RALGPS1: variants seen among roughly 807,000 people sequenced by gnomAD.
RALGPS1 encodes ras-specific guanine nucleotide-releasing factor RalGPS1.
A neutral mutation model predicts 78.8 loss-of-function variants in RALGPS1; 19 were observed. That is an observed-to-expected ratio of 0.24 (90% CI 0.17 to 0.35). The LOEUF is 0.35. Among genes scored for constraint, RALGPS1 ranks in the 10% least tolerant of loss-of-function variants. RALGPS1 has a pLI of 1.00. For synonymous variants in RALGPS1, 228 were observed against 256.3 expected (o/e 0.89, Z 1.06); for missense variants, 454 against 688.3 (o/e 0.66, Z 3.81).
At chr9:127,076,510 A>G (rs1330745765) in intron 8 of RALGPS1, among the ~76,000 whole-genome samples, 2 of 152,264 alleles carry the variant, frequency 1.3e-5, no homozygotes, top group African/African-American at 4.8e-5. Context: ...TCAAACAAGC[A>G]AACCTTTCCA....
intron 2 of RALGPS1, among the ~76,000 whole-genome samples, chr9:126,965,512 TG>T (rs1427801366): frequency 6.6e-6 from 1 of 152,210 alleles, no homozygotes; most frequent in Non-Finnish European, 1.5e-5. Flanking sequence ...GTATGTGTTT[TG>T]GGGTCGGATA....
intron 8 of RALGPS1, among the ~76,000 whole-genome samples, chr9:127,148,861 G>A (rs2058253305): frequency 6.6e-6 from 1 of 152,246 alleles, no homozygotes; most frequent in Non-Finnish European, 1.5e-5. Context: ...CAGAATGTGG[G>A]GATGGCGGAG....
intron 2 of RALGPS1, among the ~76,000 whole-genome samples, chr9:126,964,323 C>G (rs909607201): frequency 2.1e-5 from 3 of 144,746 alleles, no homozygotes; most frequent in African/African-American, 7.8e-5. Flanking sequence ...GAGCCGAGAT[C>G]ACAGCACTGC....
intron 8 of RALGPS1, among the ~76,000 whole-genome samples, chr9:127,157,774 T>C (rs2058784663): frequency 6.6e-6 from 1 of 152,126 alleles, no homozygotes; most frequent in African/African-American, 2.4e-5. Context: ...TAACTAATCA[T>C]ATCACCTGCA....
At chr9:127,111,816 G>A (rs1974291) in intron 8 of RALGPS1, among the ~76,000 whole-genome samples, 58,464 of 152,088 alleles carry the variant, frequency 0.38, 12,911 homozygotes, top group Non-Finnish European at 0.48. Context: ...GCAGAACCAG[G>A]GCTCAACCCT....
chr9:126,919,558 T>C (rs2034539930), intron 1 of RALGPS1, among the ~76,000 whole-genome samples: 1 of 152,252 alleles, frequency 6.6e-6, no homozygotes, highest in South Asian at 2.1e-4. Flanking sequence ...TTTTTGCATC[T>C]TAGTTTCCAT....
intron 7 of RALGPS1, among the ~76,000 whole-genome samples, chr9:127,053,519 T>A (rs1419462136): frequency 6.6e-6 from 1 of 152,352 alleles, no homozygotes; most frequent in East Asian, 1.9e-4. Context: ...TCGCTTGGCA[T>A]AGTGCCTGAC....
chr9:127,049,374 G>A (rs899598315), intron 5 of RALGPS1, among the ~76,000 whole-genome samples: 17 of 152,128 alleles, frequency 1.1e-4, no homozygotes, highest in African/African-American at 4.1e-4. Flanking sequence ...TATGTGAGAG[G>A]TCAAGCATGA....
chr9:127,212,054 C>T lies in RALGPS1; in HGVS notation c.1248-77C>T, dbSNP rs921736889. ...TGTCATGGACTTGGTAGTGGGGCAC[C>T]TGTGGTCCCCAGTGAGTGAGAGGGT... is the stretch of plus-strand genomic sequence containing the variant. On this transcript the variant is annotated intron_variant, in intron 14 of 18. Transcript: ENST00000259351. The surrounding 1 kb of genome is among the most constrained non-coding windows in gnomAD (Gnocchi z 6.0). 2.0e-5 allele frequency: 24 copies of T among 1,184,816 alleles called. No homozygotes were observed. Among genetic ancestry groups the T allele is most frequent in the Non-Finnish European group, 2.6e-5 (22 of 836,864 alleles). The allele number at this position is 1,184,816 out of a possible 1,614,324, so 73.4% of individuals were successfully genotyped here. A position where few individuals can be genotyped will look rare whatever the true frequency, so the allele number is the denominator to read the frequency against.
At chr9:126,943,392 C>G (rs773039151) in intron 1 of RALGPS1, among the ~76,000 whole-genome samples, 1 of 152,170 alleles carries the variant, frequency 6.6e-6, no homozygotes, top group Non-Finnish European at 1.5e-5. Context: ...ATCTGCCCTC[C>G]TTGGCTTCCC....
chr9:126,945,770 A>G (rs1209136500), intron 1 of RALGPS1, among the ~76,000 whole-genome samples: 4 of 152,146 alleles, frequency 2.6e-5, no homozygotes, highest in Admixed American at 2.0e-4. Flanking sequence ...GCAGTACCTT[A>G]TACCATGGAC....
chr9:127,118,219 T>C (rs1307805710), intron 8 of RALGPS1, among the ~76,000 whole-genome samples: 1 of 152,176 alleles, frequency 6.6e-6, no homozygotes, highest in Non-Finnish European at 1.5e-5. Flanking sequence ...TTGTGATTGA[T>C]GTGTACATGT....
At chr9:127,137,678 C>T (rs2057493480) in intron 8 of RALGPS1, among the ~76,000 whole-genome samples, 1 of 152,162 alleles carries the variant, frequency 6.6e-6, no homozygotes, top group African/African-American at 2.4e-5. Context: ...TCTTTTTCCC[C>T]CTTCTTTCAT....
At chr9:127,136,767 A>G (rs935484392) in intron 8 of RALGPS1, among the ~76,000 whole-genome samples, 2 of 151,996 alleles carry the variant, frequency 1.3e-5, no homozygotes, top group Non-Finnish European at 2.9e-5. Context: ...TCTGGGTGGG[A>G]TGCCTTTGTC....
intron 8 of RALGPS1, among the ~76,000 whole-genome samples, chr9:127,118,965 T>G (rs2055750947): frequency 6.6e-6 from 1 of 152,216 alleles, no homozygotes; most frequent in Non-Finnish European, 1.5e-5. Flanking sequence ...GAGCTCTGAT[T>G]CTTCAGTCCT....
intron 1 of RALGPS1, among the ~76,000 whole-genome samples, chr9:126,943,184 C>G (rs557621583): frequency 6.6e-6 from 1 of 152,132 alleles, no homozygotes; most frequent in South Asian, 2.1e-4. Context: ...ACTCTGTTGC[C>G]CAGGCTAGAG....
intron 4 of RALGPS1, among the ~76,000 whole-genome samples, chr9:127,020,970 A>C (rs1417804790): frequency 6.6e-6 from 1 of 152,214 alleles, no homozygotes; most frequent in Non-Finnish European, 1.5e-5. Context: ...TATATGTAAA[A>C]TTACTGACAT....
At chr9:127,098,852 T>C (rs1484832080) in intron 8 of RALGPS1, among the ~76,000 whole-genome samples, 1 of 152,170 alleles carries the variant, frequency 6.6e-6, no homozygotes, top group East Asian at 1.9e-4. Context: ...TTTCCAGTTC[T>C]CTCTCTGTGG....
At chr9:127,184,229 G>A (rs1237915049) in intron 11 of RALGPS1, 11 of 567,436 alleles carry the variant, frequency 1.9e-5, no homozygotes, top group African/African-American at 9.4e-5. Context: ...GGGCTTAGGC[G>A]AGATCGCTTG....
Sources: allele counts gnomAD v4.1 joint callset (sites outside exome capture counted in the v4.1 genomes callset), GRCh38; gene constraint gnomAD v4.1.1; non-coding constraint Gnocchi (gnomAD v3.1); transcripts MANE v1.5; gene names NCBI Gene and HGNC (gene_info 2026-07-23, HGNC 2026-07-21).